Variants in WDPCP observed in about 807,000 individuals in gnomAD.
The protein encoded by WDPCP is WD repeat-containing and planar cell polarity effector protein fritz homolog.
In WDPCP, 71 loss-of-function variants were observed where a neutral mutation model predicts 93.1. That is an observed-to-expected ratio of 0.76 (90% CI 0.63 to 0.93). The LOEUF (loss-of-function observed/expected upper bound fraction) is 0.93. Ranked by LOEUF, WDPCP falls within the 40% of genes least tolerant of loss-of-function variation. The pLI is 0.00. For synonymous variants in WDPCP, 315 were observed against 315.0 expected, an observed-to-expected ratio of 1.00 and a Z score of 0.00; for missense variants, 844 against 887.4, an observed-to-expected ratio of 0.95 and a Z score of 0.62.
At chr2:63,274,324 C>G (rs1449609980) in intron 13 of WDPCP, among the ~76,000 whole-genome samples, 1 of 151,656 alleles carries the variant, frequency 6.6e-6, no homozygotes, top group Non-Finnish European at 1.5e-5. Context: ...ATACTAAAAC[C>G]AATAGGATAC....
At chr2:63,160,664 CTT>C (rs1008489514) in intron 15 of WDPCP, among the ~76,000 whole-genome samples, 26 of 152,228 alleles carry the variant, frequency 1.7e-4, no homozygotes, top group African/African-American at 5.5e-4. Flanking sequence ...GATAAGGAAA[CTT>C]TTATTATGTA....
At chr2:63,642,257 A>G (rs1709989421) in intron 3 of WDPCP, among the ~76,000 whole-genome samples, 1 of 151,666 alleles carries the variant, frequency 6.6e-6, no homozygotes, top group South Asian at 2.1e-4. Flanking sequence ...TAATTCCTCC[A>G]GTTTTGTTAT....
chr2:63,674,691 T>C (rs1263654527), intron 2 of WDPCP, among the ~76,000 whole-genome samples: 1 of 149,378 alleles, frequency 6.7e-6, no homozygotes, highest in African/African-American at 2.5e-5. Flanking sequence ...AAGGGGCAGA[T>C]CTCATGTTAA....
intron 1 of WDPCP, among the ~76,000 whole-genome samples, chr2:63,586,121 C>T (rs780836261): frequency 6.6e-5 from 10 of 152,264 alleles, no homozygotes; most frequent in East Asian, 3.9e-4. Context: ...TGAGCCACCA[C>T]GCCTAGCTGT....
At chr2:63,413,699 G>A (rs982048674) in intron 9 of WDPCP, among the ~76,000 whole-genome samples, 2 of 152,180 alleles carry the variant, frequency 1.3e-5, no homozygotes, top group African/African-American at 2.4e-5. Context: ...TCAGGAGGCT[G>A]AGGCAGGAGA....
chr2:63,614,977 A>G (rs1709657134), intron 3 of WDPCP, among the ~76,000 whole-genome samples: 1 of 152,188 alleles, frequency 6.6e-6, no homozygotes, highest in South Asian at 2.1e-4. Context: ...ATCACATAAA[A>G]CTTTGATAAA....
At chr2:63,714,030 C>T (rs940629698) in intron 2 of WDPCP, among the ~76,000 whole-genome samples, 3 of 151,168 alleles carry the variant, frequency 2.0e-5, no homozygotes, top group African/African-American at 7.3e-5. Flanking sequence ...ATCTTCGCTG[C>T]GAACAACTAT....
chr2:63,723,947 T>C (rs973776057), intron 2 of WDPCP, among the ~76,000 whole-genome samples: 6 of 152,254 alleles, frequency 3.9e-5, no homozygotes, highest in African/African-American at 1.4e-4. Flanking sequence ...ACTCTGGCTC[T>C]GGGCCTGGAA....
intron 3 of WDPCP, among the ~76,000 whole-genome samples, chr2:63,621,742 A>C (rs1305013492): frequency 6.6e-6 from 1 of 152,216 alleles, no homozygotes; most frequent in African/African-American, 2.4e-5. Flanking sequence ...CCAAGGTTGA[A>C]ATGAAGGAAA....
At chr2:63,697,550 A>G (rs2103691970) in intron 2 of WDPCP, among the ~76,000 whole-genome samples, 1 of 152,350 alleles carries the variant, frequency 6.6e-6, no homozygotes, top group South Asian at 2.1e-4. Context: ...GTTGCCTGCC[A>G]TGGTGTTAAT....
chr2:63,772,302 T>C (rs1670240923), intron 2 of WDPCP, among the ~76,000 whole-genome samples: 1 of 152,132 alleles, frequency 6.6e-6, no homozygotes, highest in Non-Finnish European at 1.5e-5. Context: ...GAGCATTTTT[T>C]CATGTTTGTT....
At chr2:63,597,599 A>C (rs769870377) in intron 3 of WDPCP, 7 of 1,334,434 alleles carry the variant, frequency 5.2e-6, no homozygotes, top group Non-Finnish European at 6.8e-6. Context: ...ATTTTATGGG[A>C]TTTTTCATTA....
intron 10 of WDPCP, among the ~76,000 whole-genome samples, chr2:63,402,549 T>G (rs1341930111): frequency 6.6e-6 from 1 of 152,140 alleles, no homozygotes. Context: ...AAGACATACA[T>G]GCAGCCAAGA....
Position 63,824,548 on chromosome 2 carries a change from A to AC in WDPCP, n.222+3073_222+3074insG, listed in dbSNP as rs1395742380. 4.6e-5 allele frequency among the ~76,000 whole-genome samples: 7 copies of AC among 150,540 alleles called. No homozygotes were observed. In the South Asian group the frequency reaches 1.0e-3, roughly 22 times the overall value. ...GGGCGACCATGTTTCAAAAAAAAAA[A>AC]AAAAAAAAAAAAAAACAGGAAAAGG... On this transcript the variant is annotated intron_variant and non_coding_transcript_variant, in intron 1 of 4. Transcript: ENST00000467687.
intron 14 of WDPCP, among the ~76,000 whole-genome samples, chr2:63,217,648 T>G (rs1677464726): frequency 1.3e-5 from 2 of 152,214 alleles, no homozygotes; most frequent in Admixed American, 6.5e-5. Flanking sequence ...AGCTGTCATC[T>G]TAGAGTAAAA....
At chr2:63,677,015 T>G (rs1256166828) in intron 2 of WDPCP, among the ~76,000 whole-genome samples, 1 of 152,164 alleles carries the variant, frequency 6.6e-6, no homozygotes, top group East Asian at 1.9e-4. Context: ...TTCAAAAAAA[T>G]GTTTTTAAAA....
intron 3 of WDPCP, among the ~76,000 whole-genome samples, chr2:63,611,567 A>T (rs1327878139): frequency 3.9e-5 from 6 of 152,230 alleles, no homozygotes; most frequent in Non-Finnish European, 8.8e-5. Context: ...TGAAAAACAA[A>T]AAGCAACAAA....
At chr2:63,381,812 T>TA in intron 11 of WDPCP, 94 bp downstream of exon 11, 1 of 1,306,762 alleles carries the variant, frequency 7.7e-7, no homozygotes, top group Non-Finnish European at 1.1e-6. Flanking sequence ...TAATCTCCAA[T>TA]ACCATGACTC....
chr2:63,817,934 C>T (rs1476726659), intron 1 of WDPCP, among the ~76,000 whole-genome samples: 3 of 152,140 alleles, frequency 2.0e-5, no homozygotes, highest in East Asian at 1.9e-4. Flanking sequence ...CTAAATATTA[C>T]AATTCTTAGT....
Sources: allele counts gnomAD v4.1 joint callset (sites outside exome capture counted in the v4.1 genomes callset), GRCh38; gene constraint gnomAD v4.1.1; transcripts MANE v1.5; gene names NCBI Gene and HGNC (gene_info 2026-07-23, HGNC 2026-07-21).